Variants in FAF1 observed in about 807,000 individuals in gnomAD.
FAF1 encodes Fas associated factor 1, also known as FAS-associated factor 1.
In FAF1, 25 loss-of-function variants were observed where a neutral mutation model predicts 92.5. The observed-to-expected ratio is 0.27, with a 90% CI of 0.20 to 0.38. FAF1 has a LOEUF of 0.38. Ranked by LOEUF, FAF1 falls within the 10% of genes least tolerant of loss-of-function variation. The pLI, the probability that FAF1 is intolerant of heterozygous loss-of-function variation, is 1.00. For synonymous variants in FAF1, 234 were observed against 273.2 expected, an observed-to-expected ratio of 0.86 and a Z score of 1.42; for missense variants, 636 against 793.3, an observed-to-expected ratio of 0.80 and a Z score of 2.38.
intron 1 of FAF1, among the ~76,000 whole-genome samples, chr1:50,921,765 A>T (rs1488996923): frequency 1.3e-5 from 2 of 152,010 alleles, no homozygotes; most frequent in African/African-American, 2.4e-5. Context: ...TGGGAAATAG[A>T]GCAAAGACCT....
At chr1:50,443,343 G>A (rs915235475) in intron 18 of FAF1, among the ~76,000 whole-genome samples, 3 of 152,180 alleles carry the variant, frequency 2.0e-5, no homozygotes, top group Non-Finnish European at 2.9e-5. Context: ...TGAGAAAGCT[G>A]CATCCAAGAA....
chr1:50,704,660 T>C (rs1657600794), intron 7 of FAF1, among the ~76,000 whole-genome samples: 2 of 152,146 alleles, frequency 1.3e-5, no homozygotes, highest in African/African-American at 4.8e-5. Context: ...TTACAATTTA[T>C]ACATATTTAA....
intron 1 of FAF1, among the ~76,000 whole-genome samples, chr1:50,931,671 T>C (rs1645048038): frequency 6.6e-6 from 1 of 151,764 alleles, no homozygotes; most frequent in South Asian, 2.1e-4. Flanking sequence ...GTTGAGACCA[T>C]CCTAGCTAAC....
intron 18 of FAF1, among the ~76,000 whole-genome samples, chr1:50,443,436 T>C (rs1646192347): frequency 6.6e-6 from 1 of 152,204 alleles, no homozygotes; most frequent in African/African-American, 2.4e-5. Context: ...GCCTACTATA[T>C]GCCAGACAAC....
intron 1 of FAF1, among the ~76,000 whole-genome samples, chr1:50,953,942 A>G (rs1382399348): frequency 1.4e-5 from 1 of 70,828 alleles, no homozygotes; most frequent in Non-Finnish European, 2.6e-5. Context: ...TAAATTCAGA[A>G]AGAATACATT....
chr1:50,480,583 G>T (rs113602989), intron 17 of FAF1, among the ~76,000 whole-genome samples: 159 of 152,266 alleles, frequency 1.0e-3, no homozygotes, highest in African/African-American at 3.6e-3. Flanking sequence ...CCTAAATGGA[G>T]CCTACATTCT....
At chr1:50,546,207 T>C (rs1323155762) in intron 13 of FAF1, among the ~76,000 whole-genome samples, 2 of 152,176 alleles carry the variant, frequency 1.3e-5, no homozygotes, top group East Asian at 3.8e-4. Flanking sequence ...TAGTATATTA[T>C]GGAATTTAAA....
intron 1 of FAF1, among the ~76,000 whole-genome samples, chr1:50,875,637 G>T (rs1032059597): frequency 3.9e-5 from 6 of 152,050 alleles, no homozygotes; most frequent in Non-Finnish European, 7.4e-5. Context: ...ATTTTTAATA[G>T]AGACGGGATT....
At chr1:50,825,348 A>G (rs1644086610) in intron 2 of FAF1, among the ~76,000 whole-genome samples, 1 of 152,102 alleles carries the variant, frequency 6.6e-6, no homozygotes, top group South Asian at 2.1e-4. Flanking sequence ...AATAAATATC[A>G]TGAAAATACT....
chr1:50,558,225 ATTTAT>A (rs1419183610), intron 13 of FAF1, among the ~76,000 whole-genome samples: 1 of 114,262 alleles, frequency 8.8e-6, no homozygotes, highest in Non-Finnish European at 1.7e-5. Flanking sequence ...AGAATAAGAT[ATTTAT>A]CTTATTTTTA....
intron 15 of FAF1, among the ~76,000 whole-genome samples, chr1:50,518,733 C>T (rs1198073487): frequency 6.6e-6 from 1 of 152,152 alleles, no homozygotes; most frequent in Non-Finnish European, 1.5e-5. Context: ...AGCCACTGTG[C>T]CCAGCCACAA....
intron 12 of FAF1, among the ~76,000 whole-genome samples, chr1:50,568,356 A>T (rs1650266709): frequency 6.6e-6 from 1 of 151,364 alleles, no homozygotes; most frequent in Non-Finnish European, 1.5e-5. Context: ...TCTGAACAAA[A>T]GAAGGAAACT....
intron 1 of FAF1, among the ~76,000 whole-genome samples, chr1:50,917,041 T>C (rs550747431): frequency 2.2e-4 from 33 of 152,258 alleles, no homozygotes; most frequent in African/African-American, 7.7e-4. Context: ...GAGAATCAGC[T>C]ATCAAAAAAG....
At chr1:50,624,240 T>C (rs1478050897) in intron 8 of FAF1, among the ~76,000 whole-genome samples, 5 of 152,156 alleles carry the variant, frequency 3.3e-5, no homozygotes, top group African/African-American at 1.2e-4. Context: ...CTTCACCTCC[T>C]GGGTTCAAGC....
intron 18 of FAF1, among the ~76,000 whole-genome samples, chr1:50,447,724 C>G (rs539037814): frequency 6.6e-6 from 1 of 152,200 alleles, no homozygotes; most frequent in Non-Finnish European, 1.5e-5. Context: ...ACGCCAATGT[C>G]AAGGACAAGC....
chr1:50,785,291 T>C (rs1413317796), intron 4 of FAF1, among the ~76,000 whole-genome samples: 1 of 151,772 alleles, frequency 6.6e-6, no homozygotes, highest in Non-Finnish European at 1.5e-5. Flanking sequence ...TGGGACTTTA[T>C]CAAATTAAAA....
At chr1:50,785,854 A>C (rs903657814) in intron 4 of FAF1, among the ~76,000 whole-genome samples, 1 of 152,184 alleles carries the variant, frequency 6.6e-6, no homozygotes, top group African/African-American at 2.4e-5. Flanking sequence ...ATGGCTGGGC[A>C]CAGTGACTCA....
intron 7 of FAF1, among the ~76,000 whole-genome samples, chr1:50,674,313 T>A (rs761704023): frequency 6.6e-6 from 1 of 151,940 alleles, no homozygotes; most frequent in Non-Finnish European, 1.5e-5. Flanking sequence ...ACTGGAAAAC[T>A]CTGTTCTTTT....
At chr1:50,925,321 T>C (rs1266883043) in intron 1 of FAF1, among the ~76,000 whole-genome samples, 1 of 152,148 alleles carries the variant, frequency 6.6e-6, no homozygotes, top group African/African-American at 2.4e-5. Flanking sequence ...AATGGGACTG[T>C]ACTAAACTAA....
Sources: gnomAD v4.1 joint callset for allele counts (sites outside exome capture counted in the v4.1 genomes callset) on GRCh38, gnomAD v4.1.1 for gene constraint, MANE v1.5 for transcripts, NCBI Gene and HGNC (gene_info 2026-07-23, HGNC 2026-07-21) for gene names.